GALNTL6: variants seen among roughly 807,000 people sequenced by gnomAD.
GALNTL6 encodes the protein polypeptide N-acetylgalactosaminyltransferase-like 6.
GALNTL6 carries 46 observed loss-of-function variants against 73.7 expected under a neutral mutation model. That is an observed-to-expected ratio of 0.62 (90% confidence interval 0.49 to 0.80). The LOEUF (loss-of-function observed/expected upper bound fraction) is 0.80, where lower values mean the gene tolerates loss of function less well. Among genes scored for constraint, GALNTL6 ranks in the 30% least tolerant of loss-of-function variants. The pLI, the probability that GALNTL6 is intolerant of heterozygous loss-of-function variation, is 0.00. For synonymous variants in GALNTL6, 259 were observed against 263.7 expected (o/e 0.98, Z 0.17); for missense variants, 604 against 755.0 (o/e 0.80, Z 2.34).
chr4:171,974,940 C>G (rs139229736), intron 2 of GALNTL6, among the ~76,000 whole-genome samples: 12 of 152,146 alleles, frequency 7.9e-5, no homozygotes, highest in Admixed American at 4.6e-4. Flanking sequence ...TAGTCTCTCA[C>G]GGCAAGGTTG....
intron 2 of GALNTL6, among the ~76,000 whole-genome samples, chr4:171,937,689 C>T (rs1279371311): frequency 6.6e-6 from 1 of 152,012 alleles, no homozygotes; most frequent in Admixed American, 6.6e-5. Flanking sequence ...AGTTTCACAC[C>T]TTCTGATCAA....
intron 5 of GALNTL6, among the ~76,000 whole-genome samples, chr4:172,793,907 G>GATATATACATATATGCATGTATGC (rs541952750): frequency 0.014 from 2,083 of 152,202 alleles, 48 homozygotes; most frequent in African/African-American, 0.046. Flanking sequence ...TGACAGAAGT[G>GATATATACATATATGCATGTATGC]ATATATATAC....
At chr4:172,955,758 G>A (rs191247700) in intron 10 of GALNTL6, among the ~76,000 whole-genome samples, 2 of 152,090 alleles carry the variant, frequency 1.3e-5, no homozygotes, top group Non-Finnish European at 2.9e-5. Flanking sequence ...CCGAAAAGAA[G>A]GGAGATAGGG....
rs144912534 is a variant in GALNTL6 at position 172,399,830 on chromosome 4, T to C, written c.553+51141T>C. Among the ~76,000 whole-genome samples, 444 of 152,286 alleles carry C rather than the reference T, an allele frequency of 2.9e-3. 3 individuals are homozygous for C. The highest frequency in any genetic ancestry group is 9.9e-3 in the African/African-American group (411 of 41,584). ...GATGTTTAAATGAAGACTTATTTTA[T>C]TCTTTTTAAATTTTTTTGCCCTAAA... On this transcript the variant is annotated intron_variant, in intron 5 of 12. Coordinates refer to ENST00000506823, the MANE Select transcript of GALNTL6 (RefSeq NM_001034845.3).
At chr4:172,047,291 C>T (rs1742248463) in intron 2 of GALNTL6, among the ~76,000 whole-genome samples, 2 of 152,174 alleles carry the variant, frequency 1.3e-5, no homozygotes, top group African/African-American at 2.4e-5. Flanking sequence ...CAGACAACAC[C>T]ATCTCCTCAC....
At chr4:172,520,827 G>T (rs1022784508) in intron 5 of GALNTL6, among the ~76,000 whole-genome samples, 2 of 151,830 alleles carry the variant, frequency 1.3e-5, no homozygotes, top group South Asian at 4.1e-4. Flanking sequence ...AGTAGTCAAA[G>T]TTACTGTTGA....
At chr4:171,815,781 T>C (rs1734509629) in intron 2 of GALNTL6, among the ~76,000 whole-genome samples, 1 of 152,240 alleles carries the variant, frequency 6.6e-6, no homozygotes, top group African/African-American at 2.4e-5. Context: ...TATTTGCTCT[T>C]ATACTTAATG....
intron 5 of GALNTL6, among the ~76,000 whole-genome samples, chr4:172,701,568 G>A (rs1734030069): frequency 6.6e-6 from 1 of 152,032 alleles, no homozygotes; most frequent in African/African-American, 2.4e-5. Context: ...CTGATGGGGT[G>A]GGCTTTAGTC....
At chr4:172,398,772 C>T (rs918108467) in intron 5 of GALNTL6, among the ~76,000 whole-genome samples, 1 of 151,998 alleles carries the variant, frequency 6.6e-6, no homozygotes, top group Non-Finnish European at 1.5e-5. Flanking sequence ...ACATAGAAAT[C>T]GAATTATGTT....
chr4:172,006,393 G>T (rs4434208), intron 2 of GALNTL6, among the ~76,000 whole-genome samples: 142,647 of 152,170 alleles, frequency 0.94, 67,130 homozygotes, highest in East Asian at 1. Flanking sequence ...CTTGAGCAGC[G>T]GAAGTGGGAG....
chr4:171,915,004 GTA>G (rs1238362864), intron 2 of GALNTL6, among the ~76,000 whole-genome samples: 1 of 150,156 alleles, frequency 6.7e-6, no homozygotes, highest in Admixed American at 6.6e-5. Flanking sequence ...TTCTGGACAT[GTA>G]TATATATAAA....
chr4:172,611,647 C>T (rs1480610754), intron 5 of GALNTL6, among the ~76,000 whole-genome samples: 2 of 151,960 alleles, frequency 1.3e-5, no homozygotes, highest in African/African-American at 2.4e-5. Flanking sequence ...GACTATGTAT[C>T]CTGAGGCTGG....
At chr4:172,957,864 C>T (rs1749827078) in intron 10 of GALNTL6, among the ~76,000 whole-genome samples, 1 of 152,122 alleles carries the variant, frequency 6.6e-6, no homozygotes, top group African/African-American at 2.4e-5. Context: ...TATAGCATAG[C>T]CTGCCTTTGC....
intron 5 of GALNTL6, among the ~76,000 whole-genome samples, chr4:172,428,514 G>T (rs1353972801): frequency 6.6e-6 from 1 of 152,098 alleles, no homozygotes; most frequent in Non-Finnish European, 1.5e-5. Context: ...ATTACCATCA[G>T]TCCACAGCTA....
At chr4:172,177,841 A>ATATATACACACACATATG (rs1560955731) in intron 2 of GALNTL6, among the ~76,000 whole-genome samples, 1 of 30,586 alleles carries the variant, frequency 3.3e-5, no homozygotes, top group Non-Finnish European at 1.4e-4. Context: ...ACACATATAT[A>ATATATACACACACATATG]TGTGTATATA....
rs1419993285 is a variant in GALNTL6 at position 172,001,356 on chromosome 4, G to C, written c.138+186638G>C. Among the ~76,000 whole-genome samples the C allele has an allele frequency of 2.0e-5, 3 of 152,144 alleles. No homozygotes were observed. In the East Asian group the frequency reaches 5.8e-4, roughly 29 times the overall value. ...AGTACACTGCATATCAGGATAGCTT[G>C]ATGCAAGGGTACAAATACTGTCATT... On this transcript the variant is annotated intron_variant, in intron 2 of 12. Coordinates refer to ENST00000506823, the MANE Select transcript of GALNTL6 (RefSeq NM_001034845.3).
At chr4:172,297,916 A>G (rs1296821491) in intron 3 of GALNTL6, among the ~76,000 whole-genome samples, 6 of 152,126 alleles carry the variant, frequency 3.9e-5, no homozygotes, top group Admixed American at 6.5e-5. Flanking sequence ...GATGGGGATG[A>G]CATTGAATCT....
intron 2 of GALNTL6, among the ~76,000 whole-genome samples, chr4:171,839,484 G>A (rs917569526): frequency 1.3e-5 from 2 of 151,952 alleles, no homozygotes; most frequent in Non-Finnish European, 2.9e-5. Context: ...TCTACTGTCT[G>A]TTGCTTAGTT....
intron 2 of GALNTL6, among the ~76,000 whole-genome samples, chr4:172,112,225 T>C (rs1430743480): frequency 6.6e-6 from 1 of 152,088 alleles, no homozygotes; most frequent in Admixed American, 6.6e-5. Flanking sequence ...CATGGCTTGA[T>C]AGCTCACCTC....
Sources: gnomAD v4.1 joint callset for allele counts (sites outside exome capture counted in the v4.1 genomes callset) on GRCh38, gnomAD v4.1.1 for gene constraint, MANE v1.5 for transcripts, NCBI Gene and HGNC (gene_info 2026-07-23, HGNC 2026-07-21) for gene names.